The following LRP6 variants were observed in gnomAD, a reference collection of about 807,000 sequenced individuals.
LRP6 encodes low-density lipoprotein receptor-related protein 6.
In LRP6, 43 loss-of-function variants were observed where a neutral mutation model predicts 184.1. The ratio of observed to expected loss-of-function variants is 0.23; its 90% confidence interval spans 0.18 to 0.30. LRP6 has a LOEUF of 0.30. Ranked by LOEUF, LRP6 falls within the 10% of genes least tolerant of loss-of-function variation. LRP6 has a pLI of 1.00. For synonymous variants in LRP6, 719 were observed against 684.9 expected (o/e 1.05, Z -0.78); for missense variants, 1,571 against 2,005.3 (o/e 0.78, Z 4.14).
intron 15 of LRP6, among the ~76,000 whole-genome samples, chr12:12,141,467 G>GA (rs1248057689): frequency 6.6e-6 from 1 of 151,832 alleles, no homozygotes; most frequent in South Asian, 2.1e-4. Context: ...GTGTGAGGAG[G>GA]AAAAAAAATT....
intron 7 of LRP6, among the ~76,000 whole-genome samples, chr12:12,176,576 C>T (rs759897863): frequency 2.6e-5 from 4 of 152,140 alleles, no homozygotes; most frequent in Non-Finnish European, 4.4e-5. Context: ...ACCCAGAATT[C>T]CCCATTCCTT....
In LRP6 at chr12:12,151,050, G is replaced by C; in HGVS notation, c.2792-12C>G. On this transcript the variant is annotated splice_polypyrimidine_tract_variant and intron_variant, in intron 12 of 22. Transcript: ENST00000261349. ...GAAAGTCGTAGGAGCTTAAAAGGAA[G>C]AAAAGAGAAAATCTGAAATCTAGTT... The C allele has an allele frequency of 6.2e-7, 1 of 1,608,064 alleles. No individual in the cohort carries two copies. The highest frequency in any genetic ancestry group is 8.5e-7 in the Non-Finnish European group (1 of 1,175,598).
chr12:12,159,521 C>T (rs1862690162), intron 11 of LRP6, among the ~76,000 whole-genome samples: 1 of 152,004 alleles, frequency 6.6e-6, no homozygotes, highest in African/African-American at 2.4e-5. Context: ...TTTACTGGTA[C>T]AAAAGTCATT....
intron 2 of LRP6, among the ~76,000 whole-genome samples, chr12:12,221,412 T>C (rs893542822): frequency 6.6e-6 from 1 of 152,168 alleles, no homozygotes; most frequent in Admixed American, 6.5e-5. Context: ...TGTTTAAGAC[T>C]ATGCACCTCC....
chr12:12,253,154 C>T (rs1007618184), intron 1 of LRP6, among the ~76,000 whole-genome samples: 1 of 152,124 alleles, frequency 6.6e-6, no homozygotes, highest in Non-Finnish European at 1.5e-5. Flanking sequence ...ATCCCAGCTA[C>T]CCAGGAGGCT....
intron 1 of LRP6, among the ~76,000 whole-genome samples, chr12:12,246,555 G>A (rs561805939): frequency 3.4e-4 from 51 of 152,000 alleles, no homozygotes; most frequent in Non-Finnish European, 6.5e-4. Flanking sequence ...AAAGTAGCCA[G>A]GCATAGTGGT....
At chr12:12,182,605 T>C (rs1372492734) in intron 5 of LRP6, among the ~76,000 whole-genome samples, 2 of 152,104 alleles carry the variant, frequency 1.3e-5, no homozygotes, top group Non-Finnish European at 2.9e-5. Flanking sequence ...CAATTACAAG[T>C]CAAAAAACTG....
chr12:12,207,326 G>A (rs537814869), intron 2 of LRP6, among the ~76,000 whole-genome samples: 4 of 150,050 alleles, frequency 2.7e-5, no homozygotes, highest in Middle Eastern at 3.4e-3. Flanking sequence ...AGACCATCCT[G>A]GCCAACATGG....
At chr12:12,139,649 G>A (rs1174148859) in intron 15 of LRP6, among the ~76,000 whole-genome samples, 1 of 152,140 alleles carries the variant, frequency 6.6e-6, no homozygotes, top group Admixed American at 6.6e-5. Context: ...CTTGAGCCAG[G>A]GAGGTCAAGG....
chr12:12,228,757 A>G (rs1864697392), intron 2 of LRP6, among the ~76,000 whole-genome samples: 1 of 152,248 alleles, frequency 6.6e-6, no homozygotes. Flanking sequence ...AGTTTCATCC[A>G]GAAACCATCC....
chr12:12,239,046 T>G (rs1462625726), intron 2 of LRP6, among the ~76,000 whole-genome samples: 1 of 152,186 alleles, frequency 6.6e-6, no homozygotes, highest in African/African-American at 2.4e-5. Context: ...CTCATTTATC[T>G]TGGTCAAAGG....
At chr12:12,221,485 T>C (rs1864487953) in intron 2 of LRP6, among the ~76,000 whole-genome samples, 2 of 152,182 alleles carry the variant, frequency 1.3e-5, no homozygotes, top group Non-Finnish European at 1.5e-5. Context: ...AGCAACATCA[T>C]GAAATACCTA....
rs1000752586 is a variant in LRP6, at chr12:12,119,204, C to T, written c.*1922G>A. The T allele has an allele frequency of 6.6e-6, 1 of 152,156 alleles. No homozygotes were observed. The highest frequency in any genetic ancestry group is 1.5e-5 in the Non-Finnish European group (1 of 68,028). The allele number at this position is 152,156 out of a possible 1,614,324, so 9.4% of individuals were successfully genotyped here. A position where few individuals can be genotyped will look rare whatever the true frequency, so the allele number is the denominator to read the frequency against. ...TCCAACAATCAGCATTATTCTGAAA[C>T]CACAATTTTATCTTCAAAAACTTTA... On this transcript the variant is annotated 3_prime_UTR_variant, in exon 23 of 23. Coordinates refer to ENST00000261349, the MANE Select transcript of LRP6 (RefSeq NM_002336.3).
intron 15 of LRP6, among the ~76,000 whole-genome samples, chr12:12,144,953 A>G (rs1949981930): frequency 6.6e-6 from 1 of 152,070 alleles, no homozygotes; most frequent in Admixed American, 6.5e-5. Context: ...TAGGAGAAAT[A>G]CCTAATGTAA....
At chr12:12,150,160 G>A (rs936842375) in intron 13 of LRP6, among the ~76,000 whole-genome samples, 2 of 151,956 alleles carry the variant, frequency 1.3e-5, no homozygotes, top group Admixed American at 6.6e-5. Context: ...GACAGGGCTC[G>A]GCCACAGAAA....
At chr12:12,250,335 T>G (rs1412940870) in intron 1 of LRP6, among the ~76,000 whole-genome samples, 1 of 152,190 alleles carries the variant, frequency 6.6e-6, no homozygotes. Flanking sequence ...AGAGTATTCA[T>G]TTTCCTGCCT....
chr12:12,266,998 C>G lies in LRP6; in HGVS notation c.-263G>C. On this transcript the variant is annotated 5_prime_UTR_variant, in exon 1 of 23. Transcript: ENST00000261349. ...CTCCCCCGGCGCCCCGCTTCCCCCG[C>G]GCAGCTCCTCATTCAGCCTCTGCCT... The G allele has an allele frequency of 1.9e-6, 1 of 523,554 alleles. No individual in the cohort carries two copies. Among genetic ancestry groups the G allele is most frequent in the Admixed American group, 4.0e-5 (1 of 25,230 alleles). 32.4% of individuals were successfully genotyped at this position (523,554 alleles called of 1,614,324 possible).
At chr12:12,261,068 G>A (rs1487001998) in intron 1 of LRP6, among the ~76,000 whole-genome samples, 1 of 152,240 alleles carries the variant, frequency 6.6e-6, no homozygotes, top group East Asian at 1.9e-4. Context: ...TAAGGACACA[G>A]TAGTTCAGTA....
intron 1 of LRP6, among the ~76,000 whole-genome samples, chr12:12,263,905 C>CT (rs1377067950): frequency 2.0e-5 from 3 of 151,718 alleles, no homozygotes; most frequent in Non-Finnish European, 2.9e-5. Flanking sequence ...AATCCCAGCA[C>CT]TTTGAGAGGA....
Sources: allele counts gnomAD v4.1 joint callset (sites outside exome capture counted in the v4.1 genomes callset), GRCh38; gene constraint gnomAD v4.1.1; transcripts MANE v1.5; gene names NCBI Gene and HGNC (gene_info 2026-07-23, HGNC 2026-07-21).